Variants in NOL10 observed in about 807,000 individuals in gnomAD.
NOL10 encodes the protein nucleolar protein 10.
A neutral mutation model predicts 103.5 loss-of-function variants in NOL10; 58 were observed. That is an observed-to-expected ratio of 0.56 (90% CI 0.45 to 0.70). The LOEUF (loss-of-function observed/expected upper bound fraction) is 0.70, where lower values mean the gene tolerates loss of function less well. Among genes scored for constraint, NOL10 ranks in the 30% least tolerant of loss-of-function variants. The pLI is 0.00. For synonymous variants in NOL10, 287 were observed against 282.5 expected, an observed-to-expected ratio of 1.02 and a Z score of -0.16; for missense variants, 763 against 807.3, an observed-to-expected ratio of 0.95 and a Z score of 0.67.
chr2:10,688,397 A>T (rs1054385953), intron 1 of NOL10, among the ~76,000 whole-genome samples: 37 of 152,224 alleles, frequency 2.4e-4, no homozygotes, highest in African/African-American at 8.4e-4. Flanking sequence ...GCATAGTGCA[A>T]TCACACCTGT....
chr2:10,677,895 A>C (rs1332868256), intron 3 of NOL10, among the ~76,000 whole-genome samples: 3 of 151,394 alleles, frequency 2.0e-5, no homozygotes, highest in African/African-American at 7.3e-5. Flanking sequence ...ATGCGTGTGT[A>C]TATATGTGTG....
chr2:10,622,357 T>C (rs893147292), intron 13 of NOL10, among the ~76,000 whole-genome samples: 1 of 152,200 alleles, frequency 6.6e-6, no homozygotes, highest in East Asian at 1.9e-4. Context: ...GTGTGTGTCA[T>C]ACGTGACTTG....
chr2:10,595,821 T>C (rs1675657399), intron 17 of NOL10, among the ~76,000 whole-genome samples: 1 of 151,956 alleles, frequency 6.6e-6, no homozygotes, highest in Admixed American at 6.6e-5. Flanking sequence ...GCCAGAGTGG[T>C]CTCAAACTCC....
intron 5 of NOL10, among the ~76,000 whole-genome samples, chr2:10,672,244 T>C (rs1232499843): frequency 6.6e-6 from 1 of 152,080 alleles, no homozygotes; most frequent in Non-Finnish European, 1.5e-5. Context: ...GGAAAATCGC[T>C]TGAACCCAGG....
At chr2:10,585,972 G>T (rs1558269056) in intron 19 of NOL10, among the ~76,000 whole-genome samples, 1 of 152,158 alleles carries the variant, frequency 6.6e-6, no homozygotes, top group African/African-American at 2.4e-5. Flanking sequence ...CTACAACACG[G>T]ATGAACATTA....
intron 8 of NOL10, among the ~76,000 whole-genome samples, chr2:10,663,882 T>G (rs1266056258): frequency 2.1e-5 from 3 of 142,602 alleles, no homozygotes; most frequent in Non-Finnish European, 4.6e-5. Context: ...CCCGGGAGGC[T>G]GGAGCTTGCA....
At chr2:10,584,036 T>C (rs1162253459) in intron 19 of NOL10, among the ~76,000 whole-genome samples, 2 of 152,184 alleles carry the variant, frequency 1.3e-5, no homozygotes, top group Non-Finnish European at 2.9e-5. Flanking sequence ...AGGCACCCCA[T>C]GCTCTGGCTG....
At chr2:10,672,612 A>C (rs1452160303) in intron 5 of NOL10, among the ~76,000 whole-genome samples, 1 of 152,242 alleles carries the variant, frequency 6.6e-6, no homozygotes, top group Admixed American at 6.5e-5. Context: ...ATTTTCTTTC[A>C]AGATGCCATT....
At chr2:10,585,095 A>G (rs1674956483) in intron 19 of NOL10, among the ~76,000 whole-genome samples, 1 of 152,244 alleles carries the variant, frequency 6.6e-6, no homozygotes, top group Non-Finnish European at 1.5e-5. Flanking sequence ...GTAACTTCTG[A>G]GTTGCCTGAT....
intron 13 of NOL10, among the ~76,000 whole-genome samples, chr2:10,631,424 C>T (rs1677832729): frequency 6.6e-6 from 1 of 152,168 alleles, no homozygotes; most frequent in Non-Finnish European, 1.5e-5. Flanking sequence ...AACTTCTGCA[C>T]AAATTCCAAA....
At chr2:10,674,446 G>GA (rs1310234547) in intron 4 of NOL10, among the ~76,000 whole-genome samples, 1 of 152,122 alleles carries the variant, frequency 6.6e-6, no homozygotes, top group Non-Finnish European at 1.5e-5. Context: ...CCCTTCCCTT[G>GA]AGAGTGTGGG....
At chr2:10,686,760 AG>A (rs1295642765) in intron 1 of NOL10, among the ~76,000 whole-genome samples, 1 of 151,946 alleles carries the variant, frequency 6.6e-6, no homozygotes, top group Non-Finnish European at 1.5e-5. Flanking sequence ...AACAACAAAA[AG>A]CCTCCAGTGT....
intron 12 of NOL10, among the ~76,000 whole-genome samples, chr2:10,645,989 C>T (rs1278090413): frequency 1.3e-5 from 2 of 151,274 alleles, no homozygotes; most frequent in African/African-American, 4.9e-5. Flanking sequence ...CATCTAAAAG[C>T]ACCTAATGAA....
Position 10,571,582 on chromosome 2 carries a change from G to A in NOL10, c.*489C>T, listed in dbSNP as rs534433132. On this transcript the variant is annotated 3_prime_UTR_variant, in exon 21 of 21. Transcript: ENST00000381685. ...AAATCCCAAACTAATACATAAACAA[G>A]CCGAACAAACCTATCAGCATAAACT... The A allele has an allele frequency of 3.3e-5, 5 of 153,128 alleles. No homozygotes were observed. Among genetic ancestry groups the A allele is most frequent in the African/African-American group, 1.2e-4 (5 of 41,548 alleles). The allele number at this position is 153,128 out of a possible 1,614,324, so 9.5% of individuals were successfully genotyped here. A position where few individuals can be genotyped will look rare whatever the true frequency, so the allele number is the denominator to read the frequency against.
rs904773537 is a variant in NOL10 at position 10,647,681 on chromosome 2, C to T, written c.974-3309G>A. 3.9e-5 allele frequency among the ~76,000 whole-genome samples: 6 copies of T among 152,106 alleles called. No homozygotes were observed. The East Asian group carries it at 9.6e-4, about 24-fold the overall frequency. Reference sequence around the variant, plus strand: ...AAGGGGACTGGCAGGGGCGCTCCTGCCCTATTTAGAACCTCAGATGAAAGT... The same window carrying T: ...AAGGGGACTGGCAGGGGCGCTCCTGTCCTATTTAGAACCTCAGATGAAAGT... On this transcript the variant is annotated intron_variant, in intron 12 of 20. Transcript: ENST00000381685.
intron 13 of NOL10, among the ~76,000 whole-genome samples, chr2:10,626,386 T>C (rs138849869): frequency 6.6e-6 from 1 of 152,286 alleles, no homozygotes; most frequent in East Asian, 1.9e-4. Context: ...CGTTGGGATT[T>C]GAGAACACTG....
Position 10,589,675 on chromosome 2 carries a change from C to T in NOL10, c.1499G>A (p.Ser500Asn). 1 of 1,587,740 alleles carries T rather than the reference C, an allele frequency of 6.3e-7. No individual in the cohort carries two copies. ...ENPDFQVDEESEEFRLLNPLV... is the reference protein window; with the variant it reads ...ENPDFQVDEENEEFRLLNPLV... ...TGGATTCAGAAGCCTAAATTCTTCA[C>T]TCTCTTCATCTACTTGGAAGTCAGG... Residue 500 changes from serine to asparagine, a missense_variant, in exon 18 of 21, where the codon AGT becomes AAT. By Grantham distance (46) the Ser-to-Asn change is conservative. Transcript: ENST00000381685.
At chr2:10,678,421 T>TAAAA (rs34336101) in intron 3 of NOL10, among the ~76,000 whole-genome samples, 2 of 116,706 alleles carry the variant, frequency 1.7e-5, no homozygotes, top group African/African-American at 2.9e-5. Flanking sequence ...AAAAAAGTGG[T>TAAAA]AAAAAAAAAA....
At chr2:10,638,905 C>A (rs1411557730) in intron 13 of NOL10, among the ~76,000 whole-genome samples, 1 of 146,526 alleles carries the variant, frequency 6.8e-6, no homozygotes, top group South Asian at 2.2e-4. Flanking sequence ...CAGGTTCAAG[C>A]GATTCTCCTG....
Sources: allele counts gnomAD v4.1 joint callset (sites outside exome capture counted in the v4.1 genomes callset), GRCh38; gene constraint gnomAD v4.1.1; transcripts MANE v1.5; gene names NCBI Gene and HGNC (gene_info 2026-07-23, HGNC 2026-07-21).